The following EFR3B variants were observed in gnomAD, a reference collection of about 807,000 sequenced individuals.
EFR3B encodes EFR3 homolog B.
A neutral mutation model predicts 104.7 loss-of-function variants in EFR3B; 64 were observed. The observed-to-expected ratio is 0.61, with a 90% confidence interval of 0.50 to 0.75. The LOEUF (loss-of-function observed/expected upper bound fraction) is 0.75, where lower values mean the gene tolerates loss of function less well. Ranked by LOEUF, EFR3B falls within the 30% of genes least tolerant of loss-of-function variation. The pLI, the probability that EFR3B is intolerant of heterozygous loss-of-function variation, is 0.00. For synonymous variants in EFR3B, 385 were observed against 417.9 expected, an observed-to-expected ratio of 0.92 and a Z score of 0.96; for missense variants, 750 against 1,078.5, an observed-to-expected ratio of 0.70 and a Z score of 4.27.
chr2:25,097,341 G>A (rs1009966169), intron 3 of EFR3B, among the ~76,000 whole-genome samples: 5 of 152,118 alleles, frequency 3.3e-5, no homozygotes, highest in South Asian at 2.1e-4. Flanking sequence ...CTGTCTTTCC[G>A]TACCCAACGC....
In EFR3B at chr2:25,114,719, C is replaced by T. The variant is rs548637025; in HGVS notation, c.364-6954C>T. Among the ~76,000 whole-genome samples the T allele has an allele frequency of 1.3e-5, 2 of 152,286 alleles. No individual in the cohort carries two copies. The highest frequency in any genetic ancestry group is 6.5e-5 in the Admixed American group (1 of 15,298). Reference sequence around the variant, plus strand: ...TGTCCATCCATCCAGCCTTGACGGACCTCCCTGACCAAGAACATGCTTCCC... The same window carrying T: ...TGTCCATCCATCCAGCCTTGACGGATCTCCCTGACCAAGAACATGCTTCCC... On this transcript the variant is annotated intron_variant, in intron 4 of 22. Coordinates refer to ENST00000403714, the MANE Select transcript of EFR3B (RefSeq NM_014971.2). This position sits in a 1 kb window ranked among gnomAD's most constrained non-coding sequence, Gnocchi z 4.0.
At chr2:25,128,631 G>A (rs1670233470) in intron 6 of EFR3B, among the ~76,000 whole-genome samples, 3 of 152,092 alleles carry the variant, frequency 2.0e-5, no homozygotes. Context: ...GGTTACCTTT[G>A]TCTCCCTGGA....
chr2:25,115,543 T>C (rs1006148442), intron 4 of EFR3B, among the ~76,000 whole-genome samples: 4 of 152,156 alleles, frequency 2.6e-5, no homozygotes, highest in Non-Finnish European at 5.9e-5. Flanking sequence ...AAATGATGCG[T>C]CAATAGGTGT....
chr2:25,094,310 A>G (rs12996380), intron 3 of EFR3B, among the ~76,000 whole-genome samples: 5 of 151,464 alleles, frequency 3.3e-5, no homozygotes, highest in Non-Finnish European at 5.9e-5. Flanking sequence ...AAGAAAAAAG[A>G]AACACTCAAA....
intron 18 of EFR3B, 29 bp from the exon 19 acceptor site, chr2:25,144,931 C>CTA: frequency 6.5e-7 from 1 of 1,546,952 alleles, no homozygotes. Context: ...GGGCTGGGAA[C>CTA]TAAAGCCTCT....
At chr2:25,135,373 A>C in intron 12 of EFR3B, 94 bp from the exon 13 acceptor site, 1 of 1,432,782 alleles carries the variant, frequency 7.0e-7, no homozygotes, top group Non-Finnish European at 9.5e-7. Context: ...GGATGTGTAC[A>C]TCAGACCTGA....
chr2:25,133,820 G>A (rs1416265233), intron 12 of EFR3B, among the ~76,000 whole-genome samples: 2 of 152,018 alleles, frequency 1.3e-5, no homozygotes, highest in Non-Finnish European at 2.9e-5. Context: ...CTTGGCACAT[G>A]TGCCCACCTC....
chr2:25,077,376 C>T (rs1311678613), intron 1 of EFR3B, among the ~76,000 whole-genome samples: 2 of 152,130 alleles, frequency 1.3e-5, no homozygotes, highest in Non-Finnish European at 2.9e-5. Context: ...CAACCTCTGT[C>T]TCCTAGGTTG....
At chr2:25,089,637 G>A (rs1190446888) in intron 1 of EFR3B, among the ~76,000 whole-genome samples, 3 of 152,096 alleles carry the variant, frequency 2.0e-5, no homozygotes, top group South Asian at 2.1e-4. Flanking sequence ...GCCCAAGAAG[G>A]GGGACTGGGC....
Position 25,139,085 on chromosome 2 carries a change from C to T in EFR3B, c.1749C>T (p.Asn583=). 1 of 1,551,748 alleles carries T rather than the reference C, an allele frequency of 6.4e-7. No individual in the cohort carries two copies. The part of the protein sequence containing the change: ...VQDVAQVNEE[N]LPVYNRCALY... ...ACGTGGCCCAAGTCAATGAGGAGAA[C>T]TTGCCTGTCTACAACCGCTGTGCCC... Residue 583 remains asparagine (N), a synonymous_variant, in exon 16 of 23, where the codon AAC becomes AAT. Transcript: ENST00000403714.
chr2:25,108,911 T>TGGTG (rs1172555098), intron 4 of EFR3B, among the ~76,000 whole-genome samples: 1 of 151,642 alleles, frequency 6.6e-6, no homozygotes, highest in African/African-American at 2.4e-5. Context: ...GAGGCTGAGG[T>TGGTG]GGGAGAATTG....
intron 1 of EFR3B, among the ~76,000 whole-genome samples, chr2:25,076,829 A>T (rs1206190314): frequency 1.3e-5 from 2 of 152,200 alleles, no homozygotes; most frequent in Admixed American, 6.5e-5. Context: ...GTGTCTCGGA[A>T]GCTCTAGAGC....
chr2:25,106,435 G>A (rs1487537326), intron 4 of EFR3B, among the ~76,000 whole-genome samples: 1 of 151,114 alleles, frequency 6.6e-6, no homozygotes, highest in Non-Finnish European at 1.5e-5. Context: ...GATTAGAGGT[G>A]TGTGCCACCA....
chr2:25,103,585 G>T (rs889140296), intron 3 of EFR3B, 52 bp from the exon 4 acceptor site: 2 of 1,527,298 alleles, frequency 1.3e-6, no homozygotes, highest in Non-Finnish European at 1.8e-6. Context: ...CCCTGGTTGG[G>T]CCATGGGGTG....
In EFR3B at chr2:25,087,482, A is replaced by ATT. The variant is rs1191959079; in HGVS notation, c.8-3829_8-3828dup. On this transcript the variant is annotated intron_variant, in intron 1 of 22. Coordinates refer to ENST00000403714, the MANE Select transcript of EFR3B (RefSeq NM_014971.2). Reference sequence around the variant, plus strand: ...TTGACGGCGCCTTTTGAAGAGCAGGATTTTTTTTTTTTTTTGAGCTGGAGT... The same window carrying ATT: ...TTGACGGCGCCTTTTGAAGAGCAGGATTTTTTTTTTTTTTTTTGAGCTGGAGT... 1.7e-3 allele frequency among the ~76,000 whole-genome samples: 234 copies of ATT among 139,910 alleles called. 3 individuals carry two copies. The highest frequency in any genetic ancestry group is 0.012 in the South Asian group (52 of 4,382). The allele number at this position is 139,910 out of a possible 152,430, so 91.8% of individuals were successfully genotyped here. A position where few individuals can be genotyped will look rare whatever the true frequency, so the allele number is the denominator to read the frequency against.
At chr2:25,068,613 G>A (rs1668401092) in intron 1 of EFR3B, among the ~76,000 whole-genome samples, 1 of 150,540 alleles carries the variant, frequency 6.6e-6, no homozygotes, top group South Asian at 2.1e-4. Context: ...CTGTGCTGGA[G>A]TCACTTTTGT....
At chr2:25,080,083 G>A in intron 1 of EFR3B, 1 of 903,644 alleles carries the variant, frequency 1.1e-6, no homozygotes, top group Non-Finnish European at 1.9e-6. Context: ...CCCCACAACA[G>A]GTATTTCAAT....
chr2:25,118,726 CAAAAAAAAAAAAA>C (rs869026900), intron 4 of EFR3B, among the ~76,000 whole-genome samples: 252 of 33,560 alleles, frequency 7.5e-3, no homozygotes, highest in Middle Eastern at 0.05. Flanking sequence ...CCTGTCTCTA[CAAAAAAAAAAAAA>C]AAAAAAAAAA....
At chr2:25,048,880 A>G (rs1333394435) in intron 1 of EFR3B, among the ~76,000 whole-genome samples, 3 of 151,982 alleles carry the variant, frequency 2.0e-5, no homozygotes, top group Admixed American at 6.6e-5. Context: ...TTGTGTCTTT[A>G]TTTCTACAAT....
Sources: gnomAD v4.1 joint callset for allele counts (sites outside exome capture counted in the v4.1 genomes callset) on GRCh38, gnomAD v4.1.1 for gene constraint, Gnocchi (gnomAD v3.1) non-coding constraint, MANE v1.5 for transcripts, NCBI Gene and HGNC (gene_info 2026-07-23, HGNC 2026-07-21) for gene names.